ASB7: variants seen among roughly 807,000 people sequenced by gnomAD.
ASB7 encodes ankyrin repeat and SOCS box protein 7.
In ASB7, 4 loss-of-function variants were observed where a neutral mutation model predicts 32.5. That is an observed-to-expected ratio of 0.12 (90% CI 0.06 to 0.28). ASB7 has a LOEUF of 0.28. ASB7 is among the 10% of genes least tolerant of loss of function. The pLI, the probability that ASB7 is intolerant of heterozygous loss-of-function variation, is 1.00. For missense variants in ASB7, 181 were observed against 407.1 expected (o/e 0.44, Z 4.78); for synonymous variants, 172 against 155.6 (o/e 1.11, Z -0.78).
chr15:100,639,450 T>C (rs1406305631), intron 5 of ASB7, among the ~76,000 whole-genome samples: 2 of 152,152 alleles, frequency 1.3e-5, no homozygotes, highest in Non-Finnish European at 2.9e-5. Context: ...TTTTTTTAAT[T>C]TTAAGAAAGC....
chr15:100,610,357 T>G (rs980965099), intron 3 of ASB7, among the ~76,000 whole-genome samples: 4 of 151,838 alleles, frequency 2.6e-5, no homozygotes, highest in African/African-American at 9.7e-5. Flanking sequence ...TAGCCGGGCG[T>G]GGTGGCAGGC....
intron 5 of ASB7, among the ~76,000 whole-genome samples, chr15:100,643,630 C>T (rs1354337286): frequency 6.6e-6 from 1 of 151,590 alleles, no homozygotes; most frequent in Admixed American, 6.6e-5. Context: ...GCTGGGATTA[C>T]AGGTGCCCGC....
chr15:100,635,344 A>G (rs1254620530), intron 5 of ASB7, among the ~76,000 whole-genome samples: 1 of 152,066 alleles, frequency 6.6e-6, no homozygotes, highest in Non-Finnish European at 1.5e-5. Context: ...TCTTGTTCTG[A>G]TGCTTATTTT....
chr15:100,621,454 G>A (rs1009883715), intron 4 of ASB7, among the ~76,000 whole-genome samples: 1 of 152,174 alleles, frequency 6.6e-6, no homozygotes, highest in African/African-American at 2.4e-5. Context: ...TTTTAAAAAT[G>A]TGTAGAAGAA....
chr15:100,645,713 C>G, intron 5 of ASB7: 2 of 1,575,714 alleles, frequency 1.3e-6, no homozygotes, highest in Non-Finnish European at 8.7e-7. Flanking sequence ...ATCCCACAGT[C>G]TGATATGCCT....
At position 100,641,955 on chromosome 15, in the gene ASB7, G is replaced by C. The variant is rs867722746; in HGVS notation, c.818-6368G>C. Among the ~76,000 whole-genome samples the C allele has an allele frequency of 3.9e-5, 6 of 152,280 alleles. No individual in the cohort carries two copies. In the South Asian group the frequency reaches 1.2e-3, roughly 32 times the overall value. On this transcript the variant is annotated intron_variant, in intron 5 of 5. Transcript: ENST00000332783. The stretch of plus-strand genomic sequence containing the variant: ...ATCACAGAGACTGCAAGTGGTGGTG[G>C]GGCCAGGAGCCAAATCCAGGCAGCC...
intron 5 of ASB7, chr15:100,645,574 C>T: frequency 1.4e-6 from 1 of 704,564 alleles, no homozygotes; most frequent in Non-Finnish European, 2.7e-6. Context: ...AATCCCACAG[C>T]TTGACGGTGT....
chr15:100,646,407 T>C (rs2039997470), intron 5 of ASB7: 1 of 405,792 alleles, frequency 2.5e-6, no homozygotes, highest in Non-Finnish European at 5.1e-6. Flanking sequence ...CCGCGTATTC[T>C]CTTTCCACAA....
At chr15:100,611,119 A>G (rs1181546718) in intron 3 of ASB7, among the ~76,000 whole-genome samples, 2 of 152,174 alleles carry the variant, frequency 1.3e-5, no homozygotes, top group African/African-American at 4.8e-5. Context: ...ATCACAGCTC[A>G]CTGCAGCCTC....
In ASB7 at chr15:100,612,186, G is replaced by A; in HGVS notation, c.-31G>A. ...TAAAGGCTGATCCCCGTAACCTAATGAATCCTTTGTAAAAAGTGGACTCAG... is the reference window on the plus strand; with the variant it reads ...TAAAGGCTGATCCCCGTAACCTAATAAATCCTTTGTAAAAAGTGGACTCAG... On this transcript the variant is annotated 5_prime_UTR_variant, in exon 4 of 6. An upstream start codon of the reference 5' UTR is lost. Transcript: ENST00000332783. 6.4e-7 allele frequency: 1 copy of A among 1,567,070 alleles called. No homozygotes were observed. The highest frequency in any genetic ancestry group is 8.8e-7 in the Non-Finnish European group (1 of 1,138,622).
intron 4 of ASB7, among the ~76,000 whole-genome samples, chr15:100,617,829 A>C (rs1170280128): frequency 1.3e-5 from 2 of 152,244 alleles, no homozygotes; most frequent in African/African-American, 4.8e-5. Flanking sequence ...AGAAAGCGAA[A>C]ACTAACACCA....
intron 5 of ASB7, among the ~76,000 whole-genome samples, chr15:100,637,309 G>A (rs28818183): frequency 4.6e-5 from 7 of 152,154 alleles, no homozygotes; most frequent in African/African-American, 9.7e-5. Flanking sequence ...TAAAATTCAC[G>A]TGTCACTTTA....
At chr15:100,632,856 C>CAAAA (rs779025596) in intron 5 of ASB7, among the ~76,000 whole-genome samples, 1 of 64,210 alleles carries the variant, frequency 1.6e-5, no homozygotes, top group Admixed American at 1.7e-4. Flanking sequence ...CTATATAGTG[C>CAAAA]AAAAAAAAAA....
chr15:100,644,480 AGT>A (rs1435038843), intron 5 of ASB7, among the ~76,000 whole-genome samples: 1 of 152,210 alleles, frequency 6.6e-6, no homozygotes, highest in East Asian at 1.9e-4. Context: ...TGTTGACCTG[AGT>A]GTGTTTTGCA....
At chr15:100,647,743 C>T (rs2040005968) in intron 5 of ASB7, among the ~76,000 whole-genome samples, 1 of 152,104 alleles carries the variant, frequency 6.6e-6, no homozygotes, top group Non-Finnish European at 1.5e-5. Context: ...TTCAGAATCA[C>T]GGAAAACAGG....
At position 100,602,998 on chromosome 15, in the gene ASB7, G is replaced by C. The variant is rs2039569795; in HGVS notation, c.-321G>C. The C allele has an allele frequency of 7.5e-6, 3 of 399,476 alleles. No homozygotes were observed. Among genetic ancestry groups the C allele is most frequent in the Non-Finnish European group, 1.3e-5 (3 of 226,708 alleles). The allele number at this position is 399,476 out of a possible 1,614,324, so 24.7% of individuals were successfully genotyped here. On this transcript the variant is annotated 5_prime_UTR_variant, in exon 1 of 6. Coordinates refer to ENST00000332783, the MANE Select transcript of ASB7 (RefSeq NM_198243.3). ...ATTTCTTCAATGGAGAAGTTGGTGA[G>C]TGTAGAGGAGGCTGAAAGGAGGAAG...
intron 5 of ASB7, 132 bp downstream of exon 5, chr15:100,630,174 T>C: frequency 7.3e-7 from 1 of 1,360,962 alleles, no homozygotes; most frequent in Non-Finnish European, 9.5e-7. Context: ...AAGCGATGCC[T>C]CATTCTTCTG....
rs2039560067 is a variant in ASB7, at chr15:100,602,748, C to T, written c.-571C>T. On this transcript the variant is annotated 5_prime_UTR_variant, in exon 1 of 6. Coordinates refer to ENST00000332783, the MANE Select transcript of ASB7 (RefSeq NM_198243.3). ...TCCTGGGTCCCTCCGTAGCTGGAAGCCTCCGGCCCGGAGCGCGGCAGCCCC... is the reference window on the plus strand; with the variant it reads ...TCCTGGGTCCCTCCGTAGCTGGAAGTCTCCGGCCCGGAGCGCGGCAGCCCC... 6 of 380,868 alleles carry T rather than the reference C, an allele frequency of 1.6e-5. No homozygotes were observed. The highest frequency in any genetic ancestry group is 2.9e-4 in the South Asian group (2 of 6,876). 23.6% of individuals were successfully genotyped at this position (380,868 alleles called of 1,614,324 possible).
At chr15:100,647,433 T>G (rs1049375906) in intron 5 of ASB7, among the ~76,000 whole-genome samples, 1 of 152,218 alleles carries the variant, frequency 6.6e-6, no homozygotes, top group Non-Finnish European at 1.5e-5. Flanking sequence ...AGCTTTATTA[T>G]CATGTTTAAT....
Sources: allele counts gnomAD v4.1 joint callset (sites outside exome capture counted in the v4.1 genomes callset), GRCh38; gene constraint gnomAD v4.1.1; transcripts MANE v1.5; gene names NCBI Gene and HGNC (gene_info 2026-07-23, HGNC 2026-07-21).